The following IRAK1BP1 variants were observed in gnomAD, a reference collection of about 807,000 sequenced individuals.
IRAK1BP1 encodes interleukin 1 receptor associated kinase 1 binding protein 1.
A neutral mutation model predicts 28.0 loss-of-function variants in IRAK1BP1; 24 were observed. That is an observed-to-expected ratio of 0.86 (90% CI 0.62 to 1.20). IRAK1BP1 has a LOEUF of 1.20. Among genes scored for constraint, IRAK1BP1 ranks in the 50% most tolerant of loss-of-function variants. The pLI is 0.00. For missense variants in IRAK1BP1, 336 were observed against 316.7 expected (o/e 1.06, Z -0.46); for synonymous variants, 131 against 116.3 (o/e 1.13, Z -0.81).
intron 1 of IRAK1BP1, among the ~76,000 whole-genome samples, chr6:78,882,874 G>T (rs972945903): frequency 1.3e-5 from 2 of 152,150 alleles, no homozygotes; most frequent in African/African-American, 4.8e-5. Context: ...TAACATCAGA[G>T]AAGTCTGAAA....
chr6:78,871,102 TG>T, intron 1 of IRAK1BP1, among the ~76,000 whole-genome samples: 1 of 152,144 alleles, frequency 6.6e-6, no homozygotes, highest in East Asian at 1.9e-4. Flanking sequence ...AACAGAAATG[TG>T]TATCTTACAG....
rs1012473885 is a variant in IRAK1BP1, at chr6:78,899,380, A to C, written c.*1046A>C. ...TGCAGATAACAACCCCAACCTTAAC[A>C]ACTTCACAACATGAATAGAAATAGT... On this transcript the variant is annotated 3_prime_UTR_variant, in exon 4 of 4. Transcript: ENST00000369940. 37 of 152,204 alleles carry C rather than the reference A, an allele frequency of 2.4e-4. No individual in the cohort carries two copies. The highest frequency in any genetic ancestry group is 8.2e-4 in the African/African-American group (34 of 41,448). 9.4% of individuals were successfully genotyped at this position (152,204 alleles called of 1,614,324 possible).
intron 4 of IRAK1BP1, among the ~76,000 whole-genome samples, chr6:78,913,587 A>G (rs759974408): frequency 3.3e-5 from 5 of 152,170 alleles, no homozygotes; most frequent in Non-Finnish European, 4.4e-5. Context: ...CAGAGGTTGC[A>G]GTGAGCCAAG....
At chr6:78,890,173 G>C (rs1407014928) in intron 2 of IRAK1BP1, among the ~76,000 whole-genome samples, 2 of 151,934 alleles carry the variant, frequency 1.3e-5, no homozygotes, top group East Asian at 3.9e-4. Context: ...CACAGGAACA[G>C]GAAATCAAAC....
chr6:78,929,482 A>C (rs961587139), intron 4 of IRAK1BP1, among the ~76,000 whole-genome samples: 11 of 152,130 alleles, frequency 7.2e-5, no homozygotes, highest in African/African-American at 2.7e-4. Context: ...AGTAGGAGCT[A>C]AACATTGGTT....
At chr6:78,895,016 G>C (rs1443828693) in intron 2 of IRAK1BP1, among the ~76,000 whole-genome samples, 1 of 151,834 alleles carries the variant, frequency 6.6e-6, no homozygotes, top group African/African-American at 2.4e-5. Flanking sequence ...GCTAAGACAG[G>C]AGAATCGCTT....
chr6:78,903,015 C>T lies in IRAK1BP1; in HGVS notation c.*4681C>T. 6.6e-7 allele frequency: 1 copy of T among 1,523,076 alleles called. No individual in the cohort carries two copies. The highest frequency in any genetic ancestry group is 8.8e-7 in the Non-Finnish European group (1 of 1,138,072). The allele number at this position is 1,523,076 out of a possible 1,614,324, so 94.3% of individuals were successfully genotyped here. A position where few individuals can be genotyped will look rare whatever the true frequency, so the allele number is the denominator to read the frequency against. ...AGCAACTCCTGGAATCCTTCTTCAA[C>T]ATCCCAACCAACAATTACTCCCAGA... On this transcript the variant is annotated 3_prime_UTR_variant, in exon 4 of 4. Transcript: ENST00000369940.
In IRAK1BP1 at chr6:78,897,930, T is replaced by C. The variant is rs1271129775; in HGVS notation, c.483T>C (p.Tyr161=). 1.2e-6 allele frequency: 2 copies of C among 1,614,000 alleles called. No homozygotes were observed. The highest frequency in any genetic ancestry group is 1.7e-6 in the Non-Finnish European group (2 of 1,179,990). ...TTGTCATCAGCCCACCCCAGTTCTA[T>C]CATACTCCAGGTTCTGTTGAGAATC... is the stretch of plus-strand genomic sequence containing the variant. ...SSVVISPPQF[Y]HTPGSVENLR... Residue 161 remains tyrosine (Y), a synonymous_variant, in exon 3 of 4, where the codon TAT becomes TAC. Coordinates refer to ENST00000369940, the MANE Select transcript of IRAK1BP1 (RefSeq NM_001010844.4).
At chr6:78,917,931 C>T (rs1772604280) in intron 4 of IRAK1BP1, among the ~76,000 whole-genome samples, 1 of 152,144 alleles carries the variant, frequency 6.6e-6, no homozygotes, top group East Asian at 1.9e-4. Flanking sequence ...GAGTTCTAAA[C>T]ATGAAAATGA....
the IRAK1BP1 span, among the ~76,000 whole-genome samples, chr6:78,973,053 G>A: frequency 2.6e-5 from 4 of 152,080 alleles, no homozygotes; most frequent in Non-Finnish European, 4.4e-5. Context: ...CTCGAGAAGA[G>A]CAACTCCAAG....
chr6:78,917,388 A>G (rs1343460542), intron 4 of IRAK1BP1, among the ~76,000 whole-genome samples: 1 of 152,116 alleles, frequency 6.6e-6, no homozygotes, highest in South Asian at 2.1e-4. Context: ...AATTTTTTTA[A>G]AGAACAAAGT....
At chr6:78,937,494 T>C (rs1773319506) in intron 4 of IRAK1BP1, 1 of 151,742 alleles carries the variant, frequency 6.6e-6, no homozygotes, top group Non-Finnish European at 1.5e-5. Context: ...GATTACTGTA[T>C]CTTATGTAAT....
At chr6:78,946,609 T>C, downstream of IRAK1BP1, 3 of 1,438,340 alleles carry the variant, frequency 2.1e-6, no homozygotes, top group Non-Finnish European at 2.7e-6. Flanking sequence ...ATTATCATTC[T>C]GCAATATAGG....
rs141868802 is a variant in IRAK1BP1 at position 78,883,403 on chromosome 6, C to A, written c.316-1975C>A. On this transcript the variant is annotated intron_variant, in intron 1 of 3. Transcript: ENST00000369940. ...GTAATGGGGTTTGAGAATGTTATTA[C>A]TTTTTGATTATTTTCTCTAGTATTA... Among the ~76,000 whole-genome samples, 98 of 152,104 alleles carry A rather than the reference C, an allele frequency of 6.4e-4. 1 individual carries two copies. In the South Asian group the frequency reaches 8.1e-3, roughly 13 times the overall value.
intron 4 of IRAK1BP1, chr6:78,936,422 T>C (rs548933659): frequency 6.6e-6 from 1 of 152,008 alleles, no homozygotes; most frequent in South Asian, 2.1e-4. Context: ...TATTGTCTCA[T>C]GTTATAGTCT....
chr6:78,883,093 C>A (rs1006343036), intron 1 of IRAK1BP1, among the ~76,000 whole-genome samples: 1 of 152,008 alleles, frequency 6.6e-6, no homozygotes, highest in African/African-American at 2.4e-5. Context: ...CCTATCTCTA[C>A]AAAAATTTTT....
At chr6:78,959,451 A>G in the IRAK1BP1 span, among the ~76,000 whole-genome samples, 1 of 152,160 alleles carries the variant, frequency 6.6e-6, no homozygotes, top group Non-Finnish European at 1.5e-5. Context: ...TGTGTAAAAT[A>G]AAGTATTAGA....
At chr6:78,975,501 A>C in the IRAK1BP1 span, among the ~76,000 whole-genome samples, 22 of 152,338 alleles carry the variant, frequency 1.4e-4, no homozygotes, top group African/African-American at 4.8e-4. Flanking sequence ...CCTATTCAAC[A>C]TAGTGATGGA....
chr6:78,893,319 T>TATATAC (rs1771744999), intron 2 of IRAK1BP1, among the ~76,000 whole-genome samples: 1 of 36,712 alleles, frequency 2.7e-5, no homozygotes, highest in Non-Finnish European at 5.4e-5. Flanking sequence ...TGTGTGTATA[T>TATATAC]ATATATATAT....
Sources: gnomAD v4.1 joint callset for allele counts (sites outside exome capture counted in the v4.1 genomes callset) on GRCh38, gnomAD v4.1.1 for gene constraint, MANE v1.5 for transcripts, NCBI Gene and HGNC (gene_info 2026-07-23, HGNC 2026-07-21) for gene names.